ZNF419: variants seen among roughly 807,000 people sequenced by gnomAD.
ZNF419 encodes zinc finger protein 419.
A neutral mutation model predicts 14.9 loss-of-function variants in ZNF419; 8 were observed. The observed-to-expected ratio is 0.54, with a 90% CI of 0.32 to 0.97. The LOEUF (loss-of-function observed/expected upper bound fraction) is 0.97, where lower values mean the gene tolerates loss of function less well. ZNF419 is among the 50% of genes least tolerant of loss of function. The pLI is 0.04. For missense variants in ZNF419, 595 were observed against 607.2 expected, an observed-to-expected ratio of 0.98 and a Z score of 0.21; for synonymous variants, 211 against 205.3, an observed-to-expected ratio of 1.03 and a Z score of -0.24.
At chr19:57,492,399 GTTTC>G (rs758222623) in intron 4 of ZNF419, 188 bp downstream of exon 4, 1 of 802,300 alleles carries the variant, frequency 1.2e-6, no homozygotes, top group Non-Finnish European at 2.2e-6. Context: ...TGTCCTCCAT[GTTTC>G]ACCCAGTCAT....
At position 57,492,911 on chromosome 19, in the gene ZNF419, A is replaced by G. The variant is rs570969935; in HGVS notation, c.354A>G (p.Gly118=). The change falls in exon 5 of 5, where the codon GGA becomes GGG. Residue 118 remains glycine, a synonymous_variant. Transcript: ENST00000221735. ...CTCCTGAGCAGATTGCTTCTGTAGGACTGCTCAGTTCAAACATTCAGCAAC... is the reference window on the plus strand; with the variant it reads ...CTCCTGAGCAGATTGCTTCTGTAGGGCTGCTCAGTTCAAACATTCAGCAAC... The part of the protein sequence containing the change: ...EEAPEQIASV[G]LLSSNIQQHQ... 21 of 1,614,178 alleles carry G rather than the reference A, an allele frequency of 1.3e-5. No individual in the cohort carries two copies. Among genetic ancestry groups the G allele is most frequent in the Admixed American group, 3.3e-5 (2 of 60,028 alleles).
chr19:57,487,825 G>A lies in ZNF419; in HGVS notation c.-126G>A, dbSNP rs1367298276. The A allele has an allele frequency of 2.8e-6, 4 of 1,406,398 alleles. No homozygotes were observed. The South Asian group carries it at 3.5e-5, about 12-fold the overall frequency. 87.1% of individuals were successfully genotyped at this position (1,406,398 alleles called of 1,614,324 possible). On this transcript the variant is annotated 5_prime_UTR_variant, in exon 1 of 5. Coordinates refer to ENST00000221735, the MANE Select transcript of ZNF419 (RefSeq NM_024691.4). ...GCGCTGAGGCGACCAGCGCCGGAAG[G>A]CACGGTGGCGACTCACGCTGTTCTC...
At position 57,496,053 on chromosome 19, in the gene ZNF419, A is replaced by G. The variant is rs914761900; in HGVS notation, c.*1963A>G. Reference sequence around the variant, plus strand: ...AGAAAAGGTACAACATGATTTGAGGAAATACTGCATTGGAAAATAAATAAA... The same window carrying G: ...AGAAAAGGTACAACATGATTTGAGGGAATACTGCATTGGAAAATAAATAAA... On this transcript the variant is annotated 3_prime_UTR_variant, in exon 5 of 5. Coordinates refer to ENST00000221735, the MANE Select transcript of ZNF419 (RefSeq NM_024691.4). 6.6e-6 allele frequency: 1 copy of G among 152,186 alleles called. No homozygotes were observed. The highest frequency in any genetic ancestry group is 1.5e-5 in the Non-Finnish European group (1 of 68,040). The allele number at this position is 152,186 out of a possible 1,614,324, so 9.4% of individuals were successfully genotyped here. A position where few individuals can be genotyped will look rare whatever the true frequency, so the allele number is the denominator to read the frequency against.
Position 57,496,008 on chromosome 19 carries a change from G to C in ZNF419, c.*1918G>C, listed in dbSNP as rs1394888516. The C allele has an allele frequency of 6.6e-6, 1 of 152,108 alleles. No individual in the cohort carries two copies. Among genetic ancestry groups the C allele is most frequent in the East Asian group, 1.9e-4 (1 of 5,200 alleles). 9.4% of individuals were successfully genotyped at this position (152,108 alleles called of 1,614,324 possible). ...AGGAACCAGAACTCCTTAGAGAAGA[G>C]GCTGTTTTCAAGTTGTGGCAGAAAA... On this transcript the variant is annotated 3_prime_UTR_variant, in exon 5 of 5. Transcript: ENST00000221735.
chr19:57,491,685 T>C, intron 3 of ZNF419, 88 bp downstream of exon 3: 2 of 1,597,570 alleles, frequency 1.3e-6, no homozygotes, highest in Non-Finnish European at 1.7e-6. Flanking sequence ...TTCCCAAAGC[T>C]GAACTGTGGG....
chr19:57,491,710 C>T (rs1218849786), intron 3 of ZNF419, 113 bp downstream of exon 3: 1 of 1,411,584 alleles, frequency 7.1e-7, no homozygotes, highest in Non-Finnish European at 9.9e-7. Flanking sequence ...CATTCCTTCT[C>T]CAGTATCCTG....
chr19:57,494,202 C>G lies in ZNF419; in HGVS notation c.*112C>G. The G allele has an allele frequency of 7.0e-7, 1 of 1,420,182 alleles. No individual in the cohort carries two copies. Among genetic ancestry groups the G allele is most frequent in the Non-Finnish European group, 9.5e-7 (1 of 1,054,640 alleles). The allele number at this position is 1,420,182 out of a possible 1,614,324, so 88.0% of individuals were successfully genotyped here. A position where few individuals can be genotyped will look rare whatever the true frequency, so the allele number is the denominator to read the frequency against. Reference sequence around the variant, plus strand: ...AATCCGTTAGCCACACCTCCAGTCTCATTCAACACTGGACAGTTTACAATG... The same window carrying G: ...AATCCGTTAGCCACACCTCCAGTCTGATTCAACACTGGACAGTTTACAATG... On this transcript the variant is annotated 3_prime_UTR_variant, in exon 5 of 5. Transcript: ENST00000221735.
Position 57,487,964 on chromosome 19 carries a change from C to T in ZNF419, c.14C>T (p.Ala5Val), listed in dbSNP as rs373519441. Residue 5 changes from alanine (A) to valine (V), a missense_variant, in exon 1 of 5, where the codon GCC becomes GTC. Transcript: ENST00000221735. Reference sequence around the variant, plus strand: ...TCACAGGCTCCGATGGCGGCGGCCGCCCTGAGGGACCCCGCTCAGGTGAGC... The same window carrying T: ...TCACAGGCTCCGATGGCGGCGGCCGTCCTGAGGGACCCCGCTCAGGTGAGC... Reference protein sequence around the residue: MAAAALRDPAQVPVA... With the variant: MAAAVLRDPAQVPVA... The T allele has an allele frequency of 2.4e-5, 39 of 1,613,796 alleles. No individual in the cohort carries two copies. The highest frequency in any genetic ancestry group is 3.2e-5 in the Non-Finnish European group (38 of 1,179,914).
intron 1 of ZNF419, 99 bp downstream of exon 1, chr19:57,488,082 G>A: frequency 1.9e-6 from 3 of 1,552,350 alleles, no homozygotes; most frequent in Non-Finnish European, 2.6e-6. Context: ...GTTCGTGCGC[G>A]GCGTCCCGTT....
Position 57,490,234 on chromosome 19 carries a change from A to G in ZNF419, c.72+49A>G, listed in dbSNP as rs369055337. The G allele has an allele frequency of 1.7e-5, 27 of 1,577,054 alleles. No homozygotes were observed. The African/African-American group carries it at 2.2e-4, about 13-fold the overall frequency. On this transcript the variant is annotated intron_variant, in intron 2 of 4. Coordinates refer to ENST00000221735, the MANE Select transcript of ZNF419 (RefSeq NM_024691.4). ...CTCACACTCCTGCACTCCTACCTAC[A>G]TGGTCTTCAGAATTATGGTGTCTTG...
chr19:57,487,779 A>T lies in ZNF419; in HGVS notation c.-172A>T. 1.1e-6 allele frequency: 1 copy of T among 881,874 alleles called. No individual in the cohort carries two copies. Among genetic ancestry groups the T allele is most frequent in the Admixed American group, 2.4e-5 (1 of 41,198 alleles). 54.6% of individuals were successfully genotyped at this position (881,874 alleles called of 1,614,324 possible). Reference sequence around the variant, plus strand: ...TTCACTTTCGCGACTCAGGTGAACTAACCTGCGAGAAGCTGGTTGTGCGCT... The same window carrying T: ...TTCACTTTCGCGACTCAGGTGAACTTACCTGCGAGAAGCTGGTTGTGCGCT... On this transcript the variant is annotated 5_prime_UTR_variant, in exon 1 of 5. Transcript: ENST00000221735.
chr19:57,493,308 A>G lies in ZNF419; in HGVS notation c.751A>G (p.Ile251Val). The G allele has an allele frequency of 1.2e-6, 2 of 1,614,238 alleles. No homozygotes were observed. The highest frequency in any genetic ancestry group is 1.7e-5 in the Admixed American group (1 of 60,032). The change falls in exon 5 of 5, where the codon ATA becomes GTA. Residue 251 changes from isoleucine (I) to valine (V), a missense_variant. Transcript: ENST00000221735. The part of the protein sequence containing the change: ...RDMSNLFIHQ[I>V]VHTGERPYGC... ...TATGTCCAACCTTTTTATACACCAA[A>G]TAGTTCACACTGGAGAAAGGCCTTA...
Position 57,493,074 on chromosome 19 carries a change from G to T in ZNF419, c.517G>T (p.Gly173Cys), listed in dbSNP as rs777078555. The change falls in exon 5 of 5, where the codon GGT becomes TGT. Residue 173 changes from glycine to cysteine, a missense_variant. By Grantham distance (159) the Gly-to-Cys change is radical. Transcript: ENST00000221735. ...TGGGAAGGCCCTCCTGATCAGCTCAGGTGTTCTCAAGCACCAGGTGACTCA... is the reference window on the plus strand; with the variant it reads ...TGGGAAGGCCCTCCTGATCAGCTCATGTGTTCTCAAGCACCAGGTGACTCA... ...EVGKALLISSGVLKHQVTHTG... is the reference protein window; with the variant it reads ...EVGKALLISSCVLKHQVTHTG... The T allele has an allele frequency of 1.9e-6, 3 of 1,614,042 alleles. No individual in the cohort carries two copies. The South Asian group carries it at 3.3e-5, about 18-fold the overall frequency.
At chr19:57,491,446 A>T in intron 2 of ZNF419, 25 bp from the exon 3 acceptor site, 3 of 1,609,982 alleles carry the variant, frequency 1.9e-6, no homozygotes, top group Non-Finnish European at 2.5e-6. Flanking sequence ...GCTGCAGATA[A>T]ACTCTACTCT....
rs780613943 is a variant in ZNF419, at chr19:57,493,260, G to A, written c.703G>A (p.Glu235Lys). 1.9e-6 allele frequency: 3 copies of A among 1,614,266 alleles called. No homozygotes were observed. Among genetic ancestry groups the A allele is most frequent in the Non-Finnish European group, 2.5e-6 (3 of 1,180,056 alleles). The stretch of plus-strand genomic sequence containing the variant: ...TGGGAAAAAGACGTATGAATGCAGT[G>A]AATGTGGGAAGTTATTTAGAGATAT... ...HAGKKTYECS[E>K]CGKLFRDMSN... is the part of the protein sequence containing the mutation. Residue 235 changes from glutamate to lysine, a missense_variant, in exon 5 of 5, where the codon GAA (glutamate) becomes AAA (lysine). Physicochemically the swap from Glu to Lys is moderately conservative, Grantham distance 56. Transcript: ENST00000221735.
chr19:57,492,194 C>G lies in ZNF419; in HGVS notation c.281C>G (p.Thr94Ser), dbSNP rs1258992902. ...TTCATGCCTGCTTGGGAAGTTGTGA[C>G]TTCAGCCATACCGAGAGGTAGTTGG... The part of the protein sequence containing the change: ...EPFMPAWEVV[T>S]SAIPRGCWHG... The change falls in exon 4 of 5, where the codon ACT becomes AGT. Residue 94 changes from threonine (T) to serine (S), a missense_variant. By Grantham distance (58) the Thr-to-Ser change is moderately conservative. Coordinates refer to ENST00000221735, the MANE Select transcript of ZNF419 (RefSeq NM_024691.4). The G allele has an allele frequency of 1.2e-6, 2 of 1,614,004 alleles. No individual in the cohort carries two copies.
chr19:57,494,281 C>G lies in ZNF419; in HGVS notation c.*191C>G. 1.2e-6 allele frequency: 1 copy of G among 841,516 alleles called. No individual in the cohort carries two copies. Among genetic ancestry groups the G allele is most frequent in the South Asian group, 2.1e-5 (1 of 46,642 alleles). The allele number at this position is 841,516 out of a possible 1,614,324, so 52.1% of individuals were successfully genotyped here. A position where few individuals can be genotyped will look rare whatever the true frequency, so the allele number is the denominator to read the frequency against. ...TTTCAGCCAAAGGCCTAACCCTATT[C>G]AACACCAGAAAGTTTACACTGGAGA... On this transcript the variant is annotated 3_prime_UTR_variant, in exon 5 of 5. Transcript: ENST00000221735.
At chr19:57,492,261 T>G in intron 4 of ZNF419, 50 bp downstream of exon 4, 3 of 1,575,430 alleles carry the variant, frequency 1.9e-6, no homozygotes, top group Non-Finnish European at 2.6e-6. Context: ...GATGGATTCA[T>G]ATCATACCAG....
In ZNF419 at chr19:57,493,963, G is replaced by A. The variant is rs1351284398; in HGVS notation, c.1406G>A (p.Ser469Asn). 2 of 1,608,258 alleles carry A rather than the reference G, an allele frequency of 1.2e-6. No homozygotes were observed. The highest frequency in any genetic ancestry group is 8.5e-7 in the Non-Finnish European group (1 of 1,178,374). The change falls in exon 5 of 5, where the codon AGC becomes AAC. Residue 469 changes from serine to asparagine, a missense_variant. Coordinates refer to ENST00000221735, the MANE Select transcript of ZNF419 (RefSeq NM_024691.4). ...GGGAGATTGTTTAGAGAGAATTCCA[G>A]CCTTGTTAAACATCAGAGGGTTCAC... is the stretch of plus-strand genomic sequence containing the variant. ...ECGRLFRENS[S>N]LVKHQRVHTG...
Sources: gnomAD v4.1 joint callset for allele counts on GRCh38, gnomAD v4.1.1 for gene constraint, MANE v1.5 for transcripts, NCBI Gene and HGNC (gene_info 2026-07-23, HGNC 2026-07-21) for gene names.